SPTA1: variants seen among roughly 807,000 people sequenced by gnomAD.
The protein encoded by SPTA1 is spectrin alpha chain, erythrocytic 1.
In SPTA1, 177 loss-of-function variants were observed where a neutral mutation model predicts 324.7. The ratio of observed to expected loss-of-function variants is 0.55; its 90% CI spans 0.48 to 0.62. The LOEUF (loss-of-function observed/expected upper bound fraction) is 0.62. Among genes scored for constraint, SPTA1 ranks in the 20% least tolerant of loss-of-function variants. SPTA1 has a pLI of 0.00. For synonymous variants in SPTA1, 1,195 were observed against 1,041.3 expected, an observed-to-expected ratio of 1.15 and a Z score of -2.84; for missense variants, 3,162 against 2,883.6, an observed-to-expected ratio of 1.10 and a Z score of -2.21.
In SPTA1 at chr1:158,669,702, G is replaced by C; in HGVS notation, c.1677+7C>G. ...GGCACACAGAAGCTCTAGGCCCTTGGACATACCCCGTCACGGATAGCCTTG... is the reference window on the plus strand; with the variant it reads ...GGCACACAGAAGCTCTAGGCCCTTGCACATACCCCGTCACGGATAGCCTTG... On this transcript the variant is annotated splice_region_variant and intron_variant, in intron 13 of 51. Coordinates refer to ENST00000643759, the MANE Select transcript of SPTA1 (RefSeq NM_003126.4). The C allele has an allele frequency of 6.2e-7, 1 of 1,614,002 alleles. No individual in the cohort carries two copies. Among genetic ancestry groups the C allele is most frequent in the Non-Finnish European group, 8.5e-7 (1 of 1,179,990 alleles).
intron 20 of SPTA1, among the ~76,000 whole-genome samples, chr1:158,655,705 G>A (rs1326620328): frequency 6.6e-6 from 1 of 152,138 alleles, no homozygotes; most frequent in African/African-American, 2.4e-5. Context: ...GGTAAGAAGT[G>A]TGTCTCTTTT....
Position 158,662,970 on chromosome 1 carries a change from G to T in SPTA1, c.2221-25C>A, listed in dbSNP as rs200492511. ...CCTAAGGGAGAAATAGAATGAATGC[G>T]AAGAAATCCCATCATTTAGTAGGAA... On this transcript the variant is annotated intron_variant, in intron 16 of 51. Transcript: ENST00000643759. 1.1e-5 allele frequency: 18 copies of T among 1,613,424 alleles called. No homozygotes were observed. The East Asian group carries it at 4.0e-4, about 36-fold the overall frequency.
chr1:158,684,964 T>G, intron 2 of SPTA1, 144 bp downstream of exon 2: 1 of 959,194 alleles, frequency 1.0e-6, no homozygotes. Flanking sequence ...TTCTTTAACT[T>G]CCCACTCCAC....
chr1:158,640,088 G>C, intron 33 of SPTA1, 81 bp from the exon 34 acceptor site: 2 of 1,601,602 alleles, frequency 1.2e-6, no homozygotes, highest in African/African-American at 1.3e-5. Flanking sequence ...ATGTAGGAAG[G>C]CTGTGAAGGC....
intron 2 of SPTA1, among the ~76,000 whole-genome samples, chr1:158,684,676 T>C (rs544408027): frequency 1.3e-5 from 2 of 152,266 alleles, no homozygotes; most frequent in African/African-American, 4.8e-5. Flanking sequence ...ATAATATTTG[T>C]GCTGGATCTG....
At chr1:158,656,774 T>TA in intron 19 of SPTA1, 118 bp from the exon 20 acceptor site, 1 of 868,438 alleles carries the variant, frequency 1.2e-6, no homozygotes, top group Admixed American at 2.1e-5. Flanking sequence ...GCTTTCCATC[T>TA]ATCATAAAGT....
In SPTA1 at chr1:158,613,717, C is replaced by G; in HGVS notation, c.6989+4G>C. ...TGCGGTCTGACCCTTAGTCTTGTTC[C>G]TACCTCCCTGGATCCACAGCATCCA... On this transcript the variant is annotated splice_donor_region_variant and intron_variant, in intron 50 of 51. Coordinates refer to ENST00000643759, the MANE Select transcript of SPTA1 (RefSeq NM_003126.4). 1.2e-6 allele frequency: 2 copies of G among 1,613,710 alleles called. No homozygotes were observed. Among genetic ancestry groups the G allele is most frequent in the Non-Finnish European group, 1.7e-6 (2 of 1,179,748 alleles).
At position 158,685,130 on chromosome 1, in the gene SPTA1, T is replaced by A; in HGVS notation, c.242A>T (p.Tyr81Phe). ...GACCTGTATATTAGTTGGGTCTTCA[T>A]AGCTCTTATCGGTTAAGATATTGAC... is the stretch of plus-strand genomic sequence containing the variant. ...EKVNILTDKS[Y>F]EDPTNIQGKY... Residue 81 changes from tyrosine (Y) to phenylalanine (F), a missense_variant, in exon 2 of 52, where the codon TAT becomes TTT. Physicochemically the swap from Tyr to Phe is conservative, Grantham distance 22. Coordinates refer to ENST00000643759, the MANE Select transcript of SPTA1 (RefSeq NM_003126.4). The A allele has an allele frequency of 6.2e-7, 1 of 1,613,724 alleles. No individual in the cohort carries two copies.
chr1:158,645,670 C>T, intron 27 of SPTA1, 76 bp from the exon 28 acceptor site: 1 of 1,469,456 alleles, frequency 6.8e-7, no homozygotes, highest in Non-Finnish European at 9.5e-7. Context: ...TACAGTTTTC[C>T]ATTCTCTAGA....
At chr1:158,632,157 C>A (rs1046750104) in intron 39 of SPTA1, among the ~76,000 whole-genome samples, 8 of 151,932 alleles carry the variant, frequency 5.3e-5, no homozygotes, top group Admixed American at 1.3e-4. Flanking sequence ...CATAGATGAA[C>A]CTTGAGGACA....
rs34122435 is a variant in SPTA1, at chr1:158,610,763, TA to T, written c.*500del. 7,178 of 152,718 alleles carry T rather than the reference TA, an allele frequency of 0.047. 219 individuals are homozygous for T. The highest frequency in any genetic ancestry group is 0.068 in the Non-Finnish European group (4,620 of 68,414). The allele number at this position is 152,718 out of a possible 1,614,324, so 9.5% of individuals were successfully genotyped here. A position where few individuals can be genotyped will look rare whatever the true frequency, so the allele number is the denominator to read the frequency against. On this transcript the variant is annotated 3_prime_UTR_variant, in exon 52 of 52. Transcript: ENST00000643759. ...TTAAATTTAAACACATTCCAAAGTT[TA>T]AAAAAATTGTTTGAAAATTGCCTTG...
Position 158,613,765 on chromosome 1 carries a change from A to G in SPTA1, c.6945T>C (p.His2315=). 6.2e-7 allele frequency: 1 copy of G among 1,613,896 alleles called. No homozygotes were observed. The highest frequency in any genetic ancestry group is 8.5e-7 in the Non-Finnish European group (1 of 1,179,840). The part of the protein sequence containing the change: ...YYLPMVEEDE[H]EPKFEKFLDA... ...CCAGGAACTTCTCAAACTTGGGCTC[A>G]TGTTCATCCTCCTCCACCATGGGCA... The change falls in exon 50 of 52, where the codon CAT becomes CAC. Residue 2315 remains histidine, a synonymous_variant. Transcript: ENST00000643759.
chr1:158,659,360 C>A (rs935295389), intron 18 of SPTA1, among the ~76,000 whole-genome samples: 1 of 151,754 alleles, frequency 6.6e-6, no homozygotes, highest in Non-Finnish European at 1.5e-5. Context: ...TTTGGGATCC[C>A]TTTACAATTT....
At chr1:158,677,559 G>GTGCA in intron 7 of SPTA1, 131 bp downstream of exon 7, 2 of 1,084,322 alleles carry the variant, frequency 1.8e-6, no homozygotes. Context: ...GCGTATTCAA[G>GTGCA]TGCACACAAT....
chr1:158,657,513 A>G lies in SPTA1; in HGVS notation c.2769T>C (p.Asp923=). The G allele has an allele frequency of 6.2e-7, 1 of 1,613,678 alleles. No homozygotes were observed. The highest frequency in any genetic ancestry group is 8.5e-7 in the Non-Finnish European group (1 of 1,179,792). ...TWIREKEPIV[D]NTNYGADEEA... is the part of the protein sequence containing the mutation. The stretch of plus-strand genomic sequence containing the variant: ...CTTCATCAGCACCATAGTTAGTATT[A>G]TCTACAATAGGTTCCTTCTCTCTGA... The change falls in exon 19 of 52, where the codon GAT becomes GAC. Residue 923 remains aspartate (D), a synonymous_variant. Transcript: ENST00000643759.
chr1:158,660,262 T>G (rs1372639667), intron 18 of SPTA1, among the ~76,000 whole-genome samples: 1 of 152,104 alleles, frequency 6.6e-6, no homozygotes, highest in African/African-American at 2.4e-5. Context: ...AAACAAGGCC[T>G]GATTATATGC....
chr1:158,650,255 G>T (rs1195390452), intron 24 of SPTA1, among the ~76,000 whole-genome samples: 1 of 152,134 alleles, frequency 6.6e-6, no homozygotes, highest in Admixed American at 6.5e-5. Flanking sequence ...GTGTTGCCTT[G>T]GTAGTTAGAA....
chr1:158,617,663 G>T (rs1027630899), intron 46 of SPTA1, 75 bp from the exon 47 acceptor site: 3 of 1,393,624 alleles, frequency 2.2e-6, no homozygotes, highest in East Asian at 2.3e-5. Flanking sequence ...CCAACTCGAA[G>T]CTCCTCTGTT....
At position 158,638,024 on chromosome 1, in the gene SPTA1, G is replaced by A; in HGVS notation, c.5189+9C>T. The A allele has an allele frequency of 6.2e-7, 1 of 1,613,124 alleles. No individual in the cohort carries two copies. The highest frequency in any genetic ancestry group is 8.5e-7 in the Non-Finnish European group (1 of 1,179,600). ...ATTATCCACACATTTTTGAGCTGGT[G>A]GCACATACTCTATCCAGGATTCCTC... is the stretch of plus-strand genomic sequence containing the variant. On this transcript the variant is annotated intron_variant, in intron 36 of 51. Coordinates refer to ENST00000643759, the MANE Select transcript of SPTA1 (RefSeq NM_003126.4).
Sources: allele counts gnomAD v4.1 joint callset (sites outside exome capture counted in the v4.1 genomes callset), GRCh38; gene constraint gnomAD v4.1.1; transcripts MANE v1.5; gene names NCBI Gene and HGNC (gene_info 2026-07-23, HGNC 2026-07-21).